ZNF521: variants seen among roughly 807,000 people sequenced by gnomAD.
ZNF521 encodes the protein zinc finger protein 521.
A neutral mutation model predicts 105.5 loss-of-function variants in ZNF521; 14 were observed. The ratio of observed to expected loss-of-function variants is 0.13; its 90% CI spans 0.09 to 0.21. The LOEUF is 0.21. ZNF521 is among the 10% of genes least tolerant of loss of function. ZNF521 has a pLI of 1.00. For synonymous variants in ZNF521, 635 were observed against 606.0 expected (o/e 1.05, Z -0.70); for missense variants, 1,233 against 1,629.7 (o/e 0.76, Z 4.19).
chr18:25,191,085 TA>T, intron 5 of ZNF521, among the ~76,000 whole-genome samples: 1 of 152,312 alleles, frequency 6.6e-6, no homozygotes, highest in South Asian at 2.1e-4. Context: ...ACACGTTTAT[TA>T]GTGACTATTT....
intron 7 of ZNF521, among the ~76,000 whole-genome samples, chr18:25,084,747 T>A (rs2033583567): frequency 6.6e-6 from 1 of 152,216 alleles, no homozygotes; most frequent in African/African-American, 2.4e-5. Flanking sequence ...CTGACAGAAC[T>A]TTCTATGTGG....
intron 5 of ZNF521, among the ~76,000 whole-genome samples, chr18:25,120,530 C>T (rs1226601631): frequency 6.6e-6 from 1 of 151,494 alleles, no homozygotes; most frequent in South Asian, 2.1e-4. Context: ...TTGCATTGAG[C>T]TGAGATCCCA....
rs1488737247 is a variant in ZNF521, at chr18:25,224,825, G to C, written c.3093C>G (p.Ser1031=). Residue 1031 remains serine, a synonymous_variant, in exon 4 of 8, where the codon TCC becomes TCG. Transcript: ENST00000361524. The part of the protein sequence containing the change: ...RCVVCMQTVT[S]TLELKIHGTF... ...TCCCATGGATTTTGAGTTCCAAGGT[G>C]GAGGTCACTGTCTGCATGCACACCA... 1 of 1,614,034 alleles carries C rather than the reference G, an allele frequency of 6.2e-7. No individual in the cohort carries two copies. The highest frequency in any genetic ancestry group is 8.5e-7 in the Non-Finnish European group (1 of 1,180,022).
intron 3 of ZNF521, among the ~76,000 whole-genome samples, chr18:25,275,170 C>T (rs1909949062): frequency 6.6e-6 from 1 of 152,170 alleles, no homozygotes; most frequent in South Asian, 2.1e-4. Context: ...GCCACTGGAT[C>T]CTGCTGCGAT....
At chr18:25,261,184 T>A (rs1908882978) in intron 3 of ZNF521, among the ~76,000 whole-genome samples, 1 of 152,142 alleles carries the variant, frequency 6.6e-6, no homozygotes, top group African/African-American at 2.4e-5. Flanking sequence ...CACCTCCAGT[T>A]ACTAACAAAA....
chr18:25,311,635 A>G, intron 3 of ZNF521, among the ~76,000 whole-genome samples: 1 of 152,128 alleles, frequency 6.6e-6, no homozygotes, highest in Admixed American at 6.5e-5. Flanking sequence ...TATAATTTTT[A>G]TACTTCTCCA....
At chr18:25,158,511 G>T (rs1567987168) in intron 5 of ZNF521, among the ~76,000 whole-genome samples, 1 of 152,062 alleles carries the variant, frequency 6.6e-6, no homozygotes, top group Admixed American at 6.6e-5. Flanking sequence ...GTTATTCTCT[G>T]ATTTTTAGGG....
chr18:25,341,117 A>AAG (rs1914177930), intron 2 of ZNF521, among the ~76,000 whole-genome samples: 1 of 152,188 alleles, frequency 6.6e-6, no homozygotes, highest in Non-Finnish European at 1.5e-5. Context: ...GACACCCAAT[A>AAG]TCATTATCCT....
At chr18:25,282,301 G>C (rs779809571) in intron 3 of ZNF521, among the ~76,000 whole-genome samples, 1 of 152,172 alleles carries the variant, frequency 6.6e-6, no homozygotes, top group Non-Finnish European at 1.5e-5. Context: ...AGGAGGGCCA[G>C]AGAGGAGTAG....
intron 5 of ZNF521, among the ~76,000 whole-genome samples, chr18:25,106,209 A>G (rs2034069555): frequency 6.6e-6 from 1 of 152,172 alleles, no homozygotes; most frequent in South Asian, 2.1e-4. Flanking sequence ...ATGAAACAAG[A>G]CAGAATCATT....
intron 3 of ZNF521, among the ~76,000 whole-genome samples, chr18:25,299,914 G>A (rs1911538326): frequency 6.6e-6 from 1 of 152,168 alleles, no homozygotes. Flanking sequence ...CATCCCACGT[G>A]CTCCTCTGCA....
chr18:25,150,976 C>A (rs1218184363), intron 5 of ZNF521, among the ~76,000 whole-genome samples: 5 of 150,104 alleles, frequency 3.3e-5, no homozygotes, highest in Admixed American at 6.7e-5. Flanking sequence ...GTAGCCTTGA[C>A]CTCCTTGGCT....
intron 3 of ZNF521, among the ~76,000 whole-genome samples, chr18:25,248,006 T>C (rs1907847761): frequency 6.6e-6 from 1 of 152,206 alleles, no homozygotes; most frequent in Non-Finnish European, 1.5e-5. Flanking sequence ...AGTCACTATA[T>C]GGTTGGTTTA....
chr18:25,244,809 C>T (rs1334198856), intron 3 of ZNF521, among the ~76,000 whole-genome samples: 1 of 152,206 alleles, frequency 6.6e-6, no homozygotes, highest in East Asian at 1.9e-4. Flanking sequence ...GTTTCTGTCT[C>T]CTCACCCCAT....
intron 3 of ZNF521, among the ~76,000 whole-genome samples, chr18:25,261,583 C>T (rs183945253): frequency 6.6e-6 from 1 of 152,188 alleles, no homozygotes; most frequent in Admixed American, 6.5e-5. Flanking sequence ...TTTCCTCCTC[C>T]TCTCCCTCCT....
chr18:25,062,749 T>TAAAA lies in ZNF521; in HGVS notation c.3907-9_3907-8insTTTT, dbSNP rs775552635. On this transcript the variant is annotated splice_polypyrimidine_tract_variant and intron_variant, in intron 7 of 7. Coordinates refer to ENST00000361524, the MANE Select transcript of ZNF521 (RefSeq NM_015461.3). ...TTGGGTCATTGTATGATTCTGTAAA[T>TAAAA]AACAAAAAAAAAAAAAAAAAAAAAA... The TAAAA allele has an allele frequency of 1.0e-4, 21 of 204,602 alleles. No individual in the cohort carries two copies. The highest frequency in any genetic ancestry group is 1.4e-4 in the Non-Finnish European group (20 of 140,852). The allele number at this position is 204,602 out of a possible 1,614,324, so 12.7% of individuals were successfully genotyped here. A position where few individuals can be genotyped will look rare whatever the true frequency, so the allele number is the denominator to read the frequency against.
chr18:25,085,853 T>C (rs1850072945), intron 7 of ZNF521, among the ~76,000 whole-genome samples: 1 of 152,110 alleles, frequency 6.6e-6, no homozygotes, highest in African/African-American at 2.4e-5. Flanking sequence ...TTATGTATTA[T>C]GGTCATAAAA....
At chr18:25,328,460 C>T (rs1913367102) in intron 2 of ZNF521, among the ~76,000 whole-genome samples, 1 of 151,760 alleles carries the variant, frequency 6.6e-6, no homozygotes, top group Non-Finnish European at 1.5e-5. Flanking sequence ...CATTCACTTT[C>T]ACACTTTGCA....
intron 2 of ZNF521, among the ~76,000 whole-genome samples, chr18:25,332,059 A>T (rs1913605043): frequency 7.5e-6 from 1 of 133,916 alleles, no homozygotes; most frequent in Non-Finnish European, 1.7e-5. Flanking sequence ...ACATGAAAAA[A>T]TGTTGGGTTT....
Sources: gnomAD v4.1 joint callset for allele counts (sites outside exome capture counted in the v4.1 genomes callset) on GRCh38, gnomAD v4.1.1 for gene constraint, MANE v1.5 for transcripts, NCBI Gene and HGNC (gene_info 2026-07-23, HGNC 2026-07-21) for gene names.